The following GLCCI1 variants were observed in gnomAD, a reference collection of about 807,000 sequenced individuals.
The protein encoded by GLCCI1 is glucocorticoid induced 1.
In GLCCI1, 24 loss-of-function variants were observed where a neutral mutation model predicts 52.2. That is an observed-to-expected ratio of 0.46 (90% CI 0.33 to 0.65). The LOEUF is 0.65. GLCCI1 is among the 30% of genes least tolerant of loss of function. The probability of loss-of-function intolerance (pLI) is 0.02; values close to 1 mark genes in which losing one functional copy is unlikely to be tolerated. For missense variants in GLCCI1, 704 were observed against 701.5 expected (o/e 1.00, Z -0.04); for synonymous variants, 310 against 276.5 (o/e 1.12, Z -1.20).
At position 8,086,392 on chromosome 7, in the gene GLCCI1, C is replaced by G. The variant is rs753831888; in HGVS notation, c.1498C>G (p.Arg500Gly). The G allele has an allele frequency of 6.2e-6, 10 of 1,613,974 alleles. No individual in the cohort carries two copies. The highest frequency in any genetic ancestry group is 1.3e-5 in the African/African-American group (1 of 74,872). ...TCTGACCGTTGAGCAGCTCTCATCC[C>G]GGGTTTCCTTTACGTCTCTTTCTGA... ...ATLTVEQLSSRVSFTSLSDDT... is the reference protein window; with the variant it reads ...ATLTVEQLSSGVSFTSLSDDT... The change falls in exon 8 of 8, where the codon CGG (arginine) becomes GGG (glycine). Residue 500 changes from arginine (R) to glycine (G), a missense_variant. Physicochemically the swap from Arg to Gly is moderately radical, Grantham distance 125. Around this residue, in one of 3 missense-constraint regions of GLCCI1, gnomAD observed 149 missense variants for 152.9 expected, o/e 0.97. Transcript: ENST00000223145. This position sits in a 1 kb window ranked among gnomAD's most constrained non-coding sequence, Gnocchi z 4.4.
At chr7:7,975,864 T>G (rs1348111985) in intron 1 of GLCCI1, among the ~76,000 whole-genome samples, 3 of 152,192 alleles carry the variant, frequency 2.0e-5, no homozygotes, top group Non-Finnish European at 4.4e-5. Flanking sequence ...ATCTGGGCTT[T>G]CTTGTGTGTA....
intron 3 of GLCCI1, among the ~76,000 whole-genome samples, chr7:8,047,774 C>T (rs1489931737): frequency 6.6e-6 from 1 of 152,198 alleles, no homozygotes; most frequent in East Asian, 1.9e-4. Flanking sequence ...CTCCCACTAT[C>T]CTTATTCAGT....
intron 6 of GLCCI1, among the ~76,000 whole-genome samples, chr7:8,075,149 G>C (rs1226171245): frequency 6.6e-6 from 1 of 152,138 alleles, no homozygotes; most frequent in African/African-American, 2.4e-5. Flanking sequence ...TTATCAATGT[G>C]CATCGCACAT....
chr7:7,993,495 T>C (rs778911685), intron 1 of GLCCI1, among the ~76,000 whole-genome samples: 2 of 152,228 alleles, frequency 1.3e-5, no homozygotes, highest in Non-Finnish European at 2.9e-5. Context: ...ATTGAGTTGA[T>C]GTCCTCTTGC....
chr7:8,006,647 A>G (rs1013711772), intron 2 of GLCCI1, among the ~76,000 whole-genome samples: 2 of 152,252 alleles, frequency 1.3e-5, no homozygotes, highest in Non-Finnish European at 2.9e-5. Flanking sequence ...CAAATTATTG[A>G]GTAAAATACA....
chr7:8,060,175 A>T lies in GLCCI1; in HGVS notation c.893A>T (p.Asn298Ile), dbSNP rs766472114. 8 of 1,612,992 alleles carry T rather than the reference A, an allele frequency of 5.0e-6. No individual in the cohort carries two copies. The highest frequency in any genetic ancestry group is 6.8e-6 in the Non-Finnish European group (8 of 1,179,114). The change falls in exon 5 of 8, where the codon AAT becomes ATT. Residue 298 changes from asparagine to isoleucine, a missense_variant. Asn to Ile is a moderately radical substitution (Grantham distance 149). Coordinates refer to ENST00000223145, the MANE Select transcript of GLCCI1 (RefSeq NM_138426.4). ...PKSSVSRVPC[N>I]VEGISPELEK... Reference sequence around the variant, plus strand: ...TCATCTGTTTCGCGTGTGCCCTGCAATGTAGAAGGAATAAGTCCTGAATTA... The same window carrying T: ...TCATCTGTTTCGCGTGTGCCCTGCATTGTAGAAGGAATAAGTCCTGAATTA...
intron 1 of GLCCI1, among the ~76,000 whole-genome samples, chr7:7,973,390 T>C (rs1018693727): frequency 6.9e-6 from 1 of 144,270 alleles, no homozygotes; most frequent in Admixed American, 7.0e-5. Flanking sequence ...AGATAGTAAG[T>C]AGGAAATGCA....
At chr7:7,999,290 G>C (rs1308718101) in intron 1 of GLCCI1, among the ~76,000 whole-genome samples, 1 of 152,094 alleles carries the variant, frequency 6.6e-6, no homozygotes, top group African/African-American at 2.4e-5. Context: ...TTTATAGATT[G>C]TTTATATATT....
chr7:8,060,773 C>G (rs1277737399), intron 5 of GLCCI1, among the ~76,000 whole-genome samples: 1 of 152,162 alleles, frequency 6.6e-6, no homozygotes, highest in Non-Finnish European at 1.5e-5. Flanking sequence ...AATAATGCTT[C>G]TATAAACATT....
At chr7:7,976,194 G>T (rs1306713257) in intron 1 of GLCCI1, among the ~76,000 whole-genome samples, 2 of 152,088 alleles carry the variant, frequency 1.3e-5, no homozygotes, top group Non-Finnish European at 2.9e-5. Flanking sequence ...AAAGAAGCTA[G>T]TGGGCTGGGC....
chr7:7,982,452 G>C (rs1780641830), intron 1 of GLCCI1, among the ~76,000 whole-genome samples: 1 of 152,010 alleles, frequency 6.6e-6, no homozygotes, highest in South Asian at 2.1e-4. Context: ...TACATAAATG[G>C]TAGTCTTCAT....
rs149074037 is a variant in GLCCI1 at position 8,009,850 on chromosome 7, A to G, written c.609+5791A>G. Among the ~76,000 whole-genome samples, 156 of 151,998 alleles carry G rather than the reference A, an allele frequency of 1.0e-3. 3 individuals are homozygous for G. The highest frequency in any genetic ancestry group is 3.6e-3 in the African/African-American group (149 of 41,424). Reference sequence around the variant, plus strand: ...AGAGCATAGTATGTTATTTTTATTAATTAAAAGCTTTTCAAAAGATTCAGT... The same window carrying G: ...AGAGCATAGTATGTTATTTTTATTAGTTAAAAGCTTTTCAAAAGATTCAGT... On this transcript the variant is annotated intron_variant, in intron 2 of 7. Coordinates refer to ENST00000223145, the MANE Select transcript of GLCCI1 (RefSeq NM_138426.4).
At chr7:8,082,437 G>A (rs1235969760) in intron 6 of GLCCI1, among the ~76,000 whole-genome samples, 1 of 152,008 alleles carries the variant, frequency 6.6e-6, no homozygotes, top group African/African-American at 2.4e-5. Context: ...TAAAGCCACA[G>A]ACTAGATGTC....
At chr7:7,998,176 G>GTT (rs71014742) in intron 1 of GLCCI1, among the ~76,000 whole-genome samples, 1 of 143,678 alleles carries the variant, frequency 7.0e-6, no homozygotes, top group Non-Finnish European at 1.5e-5. Flanking sequence ...AGTTTTTTTT[G>GTT]TTTTTTTTTT....
chr7:7,996,855 G>C (rs75215715), intron 1 of GLCCI1, among the ~76,000 whole-genome samples: 4,293 of 152,260 alleles, frequency 0.028, 196 homozygotes, highest in African/African-American at 0.09. Context: ...TCCAGGTTTG[G>C]TTGATGAGTA....
intron 6 of GLCCI1, among the ~76,000 whole-genome samples, chr7:8,076,695 A>G (rs1005960041): frequency 6.6e-6 from 1 of 152,186 alleles, no homozygotes; most frequent in African/African-American, 2.4e-5. Flanking sequence ...TTTTTAACAT[A>G]CCTGCATATA....
intron 1 of GLCCI1, among the ~76,000 whole-genome samples, chr7:7,982,504 G>A (rs998559000): frequency 2.6e-5 from 4 of 152,026 alleles, no homozygotes; most frequent in African/African-American, 9.7e-5. Context: ...TTAAAATGAA[G>A]TATTTATGCT....
At chr7:8,011,307 C>A (rs934223676) in intron 2 of GLCCI1, among the ~76,000 whole-genome samples, 3 of 152,172 alleles carry the variant, frequency 2.0e-5, no homozygotes, top group African/African-American at 7.2e-5. Context: ...TCTCCATCCT[C>A]CCCACCACAC....
rs984514387 is a variant in GLCCI1 at position 8,087,212 on chromosome 7, C to T, written c.*674C>T. On this transcript the variant is annotated 3_prime_UTR_variant, in exon 8 of 8. Coordinates refer to ENST00000223145, the MANE Select transcript of GLCCI1 (RefSeq NM_138426.4). ...TTCCACATTCTTAGAATAAGAAGTG[C>T]ATTCAATCCTAGGAGAATGATAATC... 2.0e-5 allele frequency: 3 copies of T among 152,596 alleles called. No individual in the cohort carries two copies. Among genetic ancestry groups the T allele is most frequent in the African/African-American group, 7.2e-5 (3 of 41,436 alleles). The allele number at this position is 152,596 out of a possible 1,614,324, so 9.5% of individuals were successfully genotyped here.
Sources: allele counts gnomAD v4.1 joint callset (sites outside exome capture counted in the v4.1 genomes callset), GRCh38; gene constraint gnomAD v4.1.1; regional missense constraint gnomAD v4.1.1; non-coding constraint Gnocchi (gnomAD v3.1); transcripts MANE v1.5; gene names NCBI Gene and HGNC (gene_info 2026-07-23, HGNC 2026-07-21).